The following GRAMD1B variants were observed in gnomAD, a reference collection of about 807,000 sequenced individuals.
GRAMD1B encodes the protein GRAM domain containing 1B, also known as protein Aster-B.
In GRAMD1B, 37 loss-of-function variants were observed where a neutral mutation model predicts 99.7. That is an observed-to-expected ratio of 0.37 (90% CI 0.29 to 0.49). The LOEUF is 0.49. Among genes scored for constraint, GRAMD1B ranks in the 20% least tolerant of loss-of-function variants. GRAMD1B has a pLI of 0.98. For synonymous variants in GRAMD1B, 427 were observed against 387.6 expected, an observed-to-expected ratio of 1.10 and a Z score of -1.19; for missense variants, 888 against 1,009.2, an observed-to-expected ratio of 0.88 and a Z score of 1.63.
chr11:123,364,390 C>T (rs1946249293), intron 1 of GRAMD1B, among the ~76,000 whole-genome samples: 3 of 152,180 alleles, frequency 2.0e-5, no homozygotes, highest in Admixed American at 6.5e-5. Context: ...TTGAGAGCAT[C>T]GGCATGAGCC....
At chr11:123,458,552 C>G (rs1015052144) in intron 1 of GRAMD1B, 1 of 152,138 alleles carries the variant, frequency 6.6e-6, no homozygotes, top group African/African-American at 2.4e-5. Context: ...AAACTGACAC[C>G]TAAAATTAAC....
rs1939188530 is a variant in GRAMD1B, at chr11:123,495,812, CTGAT to C, written c.452+14922_452+14925del. On this transcript the variant is annotated intron_variant, in intron 2 of 19. Coordinates refer to ENST00000635736, the MANE Select transcript of GRAMD1B (RefSeq NM_001387025.1). The stretch of plus-strand genomic sequence containing the variant: ...ATTTTAAACTGATGACAGCTTAACA[CTGAT>C]TGCATAAACAAACTAACAAACAAAA... Among the ~76,000 whole-genome samples the C allele has an allele frequency of 2.0e-5, 3 of 151,902 alleles. No individual in the cohort carries two copies. The South Asian group carries it at 6.2e-4, about 31-fold the overall frequency.
intron 1 of GRAMD1B, among the ~76,000 whole-genome samples, chr11:123,460,726 A>G (rs1187677270): frequency 1.3e-5 from 2 of 152,202 alleles, no homozygotes; most frequent in African/African-American, 2.4e-5. Context: ...GGGGCAGGGA[A>G]GGGGAGGCAG....
At chr11:123,374,357 T>C (rs1350619411) in intron 1 of GRAMD1B, among the ~76,000 whole-genome samples, 1 of 152,162 alleles carries the variant, frequency 6.6e-6, no homozygotes, top group Non-Finnish European at 1.5e-5. Context: ...GCCCCCTTCC[T>C]CTCTCATAAT....
intron 2 of GRAMD1B, among the ~76,000 whole-genome samples, chr11:123,507,726 TC>T (rs1318257788): frequency 6.6e-6 from 1 of 152,220 alleles, no homozygotes; most frequent in Non-Finnish European, 1.5e-5. Flanking sequence ...CAAGATTTTT[TC>T]CTTAATGTTT....
intron 1 of GRAMD1B, among the ~76,000 whole-genome samples, chr11:123,475,976 T>G (rs892557164): frequency 2.0e-5 from 3 of 152,062 alleles, no homozygotes; most frequent in African/African-American, 7.2e-5. Flanking sequence ...AAAAGGCTCA[T>G]ATAAGAGAAG....
intron 3 of GRAMD1B, among the ~76,000 whole-genome samples, chr11:123,582,816 A>G (rs1337996540): frequency 6.6e-6 from 1 of 152,186 alleles, no homozygotes; most frequent in East Asian, 1.9e-4. Context: ...ACATTCGAGG[A>G]CCATGGCTAC....
chr11:123,560,140 A>C (rs1361481814), intron 2 of GRAMD1B: 5 of 922,628 alleles, frequency 5.4e-6, no homozygotes, highest in Admixed American at 1.2e-4. Flanking sequence ...AGCTGACTGC[A>C]CCAAAGAGTT....
intron 2 of GRAMD1B, among the ~76,000 whole-genome samples, chr11:123,542,046 T>C (rs1944588226): frequency 6.6e-6 from 1 of 152,232 alleles, no homozygotes; most frequent in Non-Finnish European, 1.5e-5. Context: ...CACTCCCCCA[T>C]ATTTTTCATT....
chr11:123,467,831 C>CT (rs199854225), intron 1 of GRAMD1B, among the ~76,000 whole-genome samples: 5,875 of 107,236 alleles, frequency 0.055, 230 homozygotes, highest in African/African-American at 0.13. Flanking sequence ...CCCTCCCTCC[C>CT]TCCCTCCCTC....
chr11:123,480,668 G>A (rs1951546434), intron 1 of GRAMD1B, 148 bp from the exon 2 acceptor site: 2 of 391,878 alleles, frequency 5.1e-6, no homozygotes, highest in Admixed American at 8.9e-5. Context: ...GTCTAACTGT[G>A]CATTCTCTAT....
intron 7 of GRAMD1B, chr11:123,598,027 G>T: frequency 7.6e-7 from 1 of 1,310,584 alleles, no homozygotes; most frequent in Non-Finnish European, 1.1e-6. Flanking sequence ...CTTCCTCAGT[G>T]TCAGGCTGCC....
intron 6 of GRAMD1B, 72 bp from the exon 7 acceptor site, chr11:123,595,869 CT>C (rs932761989): frequency 6.4e-5 from 51 of 797,612 alleles, no homozygotes; most frequent in African/African-American, 5.8e-4. Context: ...CTGGCGCCCC[CT>C]GAACACTGTT....
intron 19 of GRAMD1B, among the ~76,000 whole-genome samples, chr11:123,620,494 A>AC (rs1239658428): frequency 4.0e-5 from 6 of 151,182 alleles, no homozygotes; most frequent in South Asian, 2.1e-4. Flanking sequence ...AAAAAAAAAA[A>AC]AAGGGAAAAG....
At chr11:123,377,074 G>A (rs1216079583) in intron 1 of GRAMD1B, among the ~76,000 whole-genome samples, 1 of 152,094 alleles carries the variant, frequency 6.6e-6, no homozygotes, top group African/African-American at 2.4e-5. Flanking sequence ...TACTCTAAAA[G>A]AACACAAGTA....
At chr11:123,522,578 C>G (rs1767212595) in intron 2 of GRAMD1B, among the ~76,000 whole-genome samples, 1 of 152,126 alleles carries the variant, frequency 6.6e-6, no homozygotes, top group South Asian at 2.1e-4. Context: ...CTCGGCCTCC[C>G]AAAGTGCTAG....
intron 2 of GRAMD1B, among the ~76,000 whole-genome samples, chr11:123,548,308 A>G (rs1444487880): frequency 1.2e-5 from 1 of 82,408 alleles, no homozygotes; most frequent in African/African-American, 7.4e-5. Context: ...ATATATATAT[A>G]TATATATATA....
chr11:123,591,685 CA>C lies in GRAMD1B; in HGVS notation c.685-2396del, dbSNP rs940711355. ...CCATTTTAAATTGAAATAGGTGAGC[CA>C]GGCCCCGCCTTTGGGGGTGGAGGAG... On this transcript the variant is annotated intron_variant, in intron 4 of 19. Transcript: ENST00000635736. The surrounding 1 kb of genome is among the most constrained non-coding windows in gnomAD (Gnocchi z 4.7). The C allele has an allele frequency of 2.8e-5, 11 of 393,946 alleles. No homozygotes were observed. The highest frequency in any genetic ancestry group is 4.5e-5 in the Non-Finnish European group (10 of 223,686). 24.4% of individuals were successfully genotyped at this position (393,946 alleles called of 1,614,324 possible). A position where few individuals can be genotyped will look rare whatever the true frequency, so the allele number is the denominator to read the frequency against.
At chr11:123,387,848 G>A (rs977652645) in intron 1 of GRAMD1B, among the ~76,000 whole-genome samples, 1 of 152,306 alleles carries the variant, frequency 6.6e-6, no homozygotes, top group Non-Finnish European at 1.5e-5. Context: ...GGTTGGCCGG[G>A]TGTGGTGGCT....
Sources: gnomAD v4.1 joint callset for allele counts (sites outside exome capture counted in the v4.1 genomes callset) on GRCh38, gnomAD v4.1.1 for gene constraint, Gnocchi (gnomAD v3.1) non-coding constraint, MANE v1.5 for transcripts, NCBI Gene and HGNC (gene_info 2026-07-23, HGNC 2026-07-21) for gene names.